Variants in LIPA observed in about 807,000 individuals in gnomAD.
The protein encoded by LIPA is lipase A, lysosomal acid type, also known as lysosomal acid lipase/cholesteryl ester hydrolase.
LIPA carries 26 observed loss-of-function variants against 40.6 expected under a neutral mutation model. The observed-to-expected ratio is 0.64, with a 90% confidence interval of 0.47 to 0.89. The LOEUF is 0.89. Ranked by LOEUF, LIPA falls within the 40% of genes least tolerant of loss-of-function variation. LIPA has a pLI of 0.00. For missense variants in LIPA, 455 were observed against 479.6 expected, an observed-to-expected ratio of 0.95 and a Z score of 0.48; for synonymous variants, 188 against 168.4, an observed-to-expected ratio of 1.12 and a Z score of -0.90.
intron 1 of LIPA, among the ~76,000 whole-genome samples, chr10:89,272,907 T>C (rs1471579744): frequency 6.6e-6 from 1 of 152,256 alleles, no homozygotes; most frequent in Non-Finnish European, 1.5e-5. Flanking sequence ...TTGAGAAGTG[T>C]TTGTTCATGT....
At chr10:89,390,215 AC>A (rs1844236574) in intron 2 of LIPA, among the ~76,000 whole-genome samples, 1 of 151,794 alleles carries the variant, frequency 6.6e-6, no homozygotes, top group Non-Finnish European at 1.5e-5. Context: ...CGAACTCCCA[AC>A]CTCAGGTGAT....
intron 1 of LIPA, among the ~76,000 whole-genome samples, chr10:89,326,978 T>C (rs1160833274): frequency 6.6e-6 from 1 of 152,172 alleles, no homozygotes; most frequent in Non-Finnish European, 1.5e-5. Context: ...ATGTAAGGTG[T>C]ACATTGGCTA....
chr10:89,303,775 G>T (rs920315672), intron 1 of LIPA, among the ~76,000 whole-genome samples: 1 of 152,180 alleles, frequency 6.6e-6, no homozygotes, highest in Non-Finnish European at 1.5e-5. Flanking sequence ...TGTGTTAAGG[G>T]AATGAGCTCC....
intron 1 of LIPA, among the ~76,000 whole-genome samples, chr10:89,322,328 A>T (rs1564785694): frequency 6.6e-6 from 1 of 152,212 alleles, no homozygotes; most frequent in Non-Finnish European, 1.5e-5. Flanking sequence ...TTGACCCTGC[A>T]GGCCAATCAT....
At chr10:89,332,596 T>A (rs752665565) in intron 1 of LIPA, 1 of 1,614,160 alleles carries the variant, frequency 6.2e-7, no homozygotes, top group South Asian at 1.1e-5. Context: ...GACCCCAGCT[T>A]TTCAGAACTG....
chr10:89,225,672 T>C (rs759517980), intron 5 of LIPA, among the ~76,000 whole-genome samples: 9 of 152,318 alleles, frequency 5.9e-5, no homozygotes, highest in Middle Eastern at 3.4e-3. Flanking sequence ...TAGAATCCCC[T>C]AGCTTTAAAA....
chr10:89,307,060 A>G (rs551876697), intron 1 of LIPA: 2 of 1,614,072 alleles, frequency 1.2e-6, no homozygotes, highest in African/African-American at 2.7e-5. Context: ...TTACTCCTGT[A>G]GCGAAACAAC....
intron 2 of LIPA, chr10:89,384,612 T>C (rs749797147): frequency 6.2e-7 from 1 of 1,614,208 alleles, no homozygotes. Context: ...TTCACCAGAA[T>C]GTACGGGTTG....
chr10:89,259,387 C>T (rs975116111), intron 1 of LIPA, among the ~76,000 whole-genome samples: 11 of 152,214 alleles, frequency 7.2e-5, no homozygotes, highest in African/African-American at 2.7e-4. Context: ...TGAGATAACA[C>T]TATTCTACCC....
At chr10:89,268,985 CA>C (rs11453669) in intron 1 of LIPA, among the ~76,000 whole-genome samples, 31 of 140,026 alleles carry the variant, frequency 2.2e-4, no homozygotes, top group Admixed American at 2.1e-4. Context: ...GACTCTGTCT[CA>C]AAAAAAAAAA....
At position 89,235,587 on chromosome 10, in the gene LIPA, G is replaced by A. The variant is rs146195215; in HGVS notation, c.230-7189C>T. ...ACAGTCCCGCAGGAGGAAGATGACC[G>A]GGTAGGTGGGGAAGTTCCTCCTGCC... On this transcript the variant is annotated intron_variant, in intron 3 of 9. Transcript: ENST00000336233. Among the ~76,000 whole-genome samples the A allele has an allele frequency of 1.1e-3, 175 of 152,318 alleles. 2 individuals carry two copies. The East Asian group carries it at 0.027, about 23-fold the overall frequency.
intron 1 of LIPA, among the ~76,000 whole-genome samples, chr10:89,330,528 G>A (rs1181931782): frequency 1.3e-5 from 2 of 152,212 alleles, no homozygotes; most frequent in African/African-American, 4.8e-5. Context: ...ATGCCTTAGA[G>A]TGGCCAAAGC....
In LIPA at chr10:89,228,398, C is replaced by A; in HGVS notation, c.230G>T (p.Gly77Val). ...TTGCAGGAAGACAACTGGTTTGGGA[C>A]CTGAAAAACATTCATTGTTTAGGAG... ...PHGRKNHSDK[G>V]PKPVVFLQHG... is the part of the protein sequence containing the mutation. Residue 77 changes from glycine to valine, a missense_variant and splice_region_variant, in exon 4 of 10, where the codon GGT becomes GTT. Transcript: ENST00000336233. 6.2e-7 allele frequency: 1 copy of A among 1,614,062 alleles called. No individual in the cohort carries two copies. The highest frequency in any genetic ancestry group is 2.2e-5 in the East Asian group (1 of 44,882).
intron 1 of LIPA, among the ~76,000 whole-genome samples, chr10:89,310,169 G>A (rs978463105): frequency 1.1e-4 from 16 of 152,174 alleles, no homozygotes; most frequent in African/African-American, 3.9e-4. Flanking sequence ...TCTTATCTCT[G>A]TGTTGGTTCC....
chr10:89,312,780 G>C (rs1843523127), intron 1 of LIPA, among the ~76,000 whole-genome samples: 1 of 151,638 alleles, frequency 6.6e-6, no homozygotes, highest in African/African-American at 2.4e-5. Flanking sequence ...CTGCTCTCCA[G>C]GCTGGGTGAC....
intron 1 of LIPA, among the ~76,000 whole-genome samples, chr10:89,269,460 T>G (rs1203702785): frequency 6.6e-6 from 1 of 151,190 alleles, no homozygotes; most frequent in Non-Finnish European, 1.5e-5. Flanking sequence ...CTTTAAGGAT[T>G]TTTTTTTTGC....
intron 2 of LIPA, among the ~76,000 whole-genome samples, chr10:89,359,815 TCACACA>T (rs61589202): frequency 6.6e-4 from 96 of 146,208 alleles, no homozygotes; most frequent in African/African-American, 1.5e-3. Context: ...TCTCTCTCTC[TCACACA>T]CACACACACA....
intron 2 of LIPA, among the ~76,000 whole-genome samples, chr10:89,370,229 GTT>G (rs536423128): frequency 6.8e-6 from 1 of 146,480 alleles, no homozygotes; most frequent in Non-Finnish European, 1.5e-5. Flanking sequence ...TGTTTGTTTT[GTT>G]TTTTTTTTTC....
chr10:89,229,419 T>C (rs1842811505), intron 3 of LIPA, among the ~76,000 whole-genome samples: 2 of 152,198 alleles, frequency 1.3e-5, no homozygotes, highest in Admixed American at 6.5e-5. Context: ...CATGCCATCA[T>C]ACATTTGTCC....
Sources: allele counts gnomAD v4.1 joint callset (sites outside exome capture counted in the v4.1 genomes callset), GRCh38; gene constraint gnomAD v4.1.1; transcripts MANE v1.5; gene names NCBI Gene and HGNC (gene_info 2026-07-23, HGNC 2026-07-21).